The following CARNMT1 variants were observed in gnomAD, a reference collection of about 807,000 sequenced individuals.
CARNMT1 encodes the protein protein-L-histidine N-pros-methyltransferase CARNMT1.
In CARNMT1, 28 loss-of-function variants were observed where a neutral mutation model predicts 49.6. The ratio of observed to expected loss-of-function variants is 0.56; its 90% CI spans 0.42 to 0.77. CARNMT1 has a LOEUF of 0.77. CARNMT1 is among the 30% of genes least tolerant of loss of function. The probability of loss-of-function intolerance (pLI) is 0.00; values close to 1 mark genes in which losing one functional copy is unlikely to be tolerated. For missense variants in CARNMT1, 421 were observed against 512.6 expected, an observed-to-expected ratio of 0.82 and a Z score of 1.73; for synonymous variants, 178 against 175.0, an observed-to-expected ratio of 1.02 and a Z score of -0.13.
chr9:74,999,277 A>C (rs995249170), intron 4 of CARNMT1, among the ~76,000 whole-genome samples: 3 of 152,190 alleles, frequency 2.0e-5, no homozygotes, highest in Non-Finnish European at 4.4e-5. Context: ...AAGAGGCCAC[A>C]GAAGTTCTGA....
intron 6 of CARNMT1, among the ~76,000 whole-genome samples, chr9:74,993,724 G>A (rs550364124): frequency 6.7e-6 from 1 of 150,008 alleles, no homozygotes; most frequent in Non-Finnish European, 1.5e-5. Context: ...TGGAGTCTTA[G>A]AGGCCAGGAA....
At position 75,028,075 on chromosome 9, in the gene CARNMT1, T is replaced by C; in HGVS notation, c.167A>G (p.Glu56Gly). 1 of 1,573,542 alleles carries C rather than the reference T, an allele frequency of 6.4e-7. No homozygotes were observed. Among genetic ancestry groups the C allele is most frequent in the Non-Finnish European group, 8.6e-7 (1 of 1,162,204 alleles). Residue 56 changes from glutamate (E) to glycine (G), a missense_variant, in exon 1 of 8, where the codon GAG (glutamate) becomes GGG (glycine). Glu to Gly is a moderately conservative substitution (Grantham distance 98). This residue lies in a region of CARNMT1 where 186 missense variants were observed against 167.9 expected (regional missense o/e 1.11). Transcript: ENST00000376834. ...AAAAATRSTEEEEERLEREHF... is the reference protein window; with the variant it reads ...AAAAATRSTEGEEERLEREHF... The stretch of plus-strand genomic sequence containing the variant: ...CTCACGCTCAAGCCTCTCCTCCTCC[T>C]CCTCGGTGCTGCGCGTGGCCGCCGC...
At chr9:74,992,474 A>T (rs1180797133) in intron 6 of CARNMT1, among the ~76,000 whole-genome samples, 2 of 152,088 alleles carry the variant, frequency 1.3e-5, no homozygotes, top group East Asian at 3.9e-4. Flanking sequence ...CTGACTCCCA[A>T]ATTTATCAGT....
intron 5 of CARNMT1, 143 bp from the exon 6 acceptor site, chr9:74,996,703 T>C: frequency 3.6e-6 from 2 of 552,900 alleles, no homozygotes; most frequent in Admixed American, 7.3e-5. Flanking sequence ...ATCAACATTA[T>C]AATTACAGTA....
rs542872602 is a variant in CARNMT1, at chr9:75,006,771, T to C, written c.591-6901A>G. Among the ~76,000 whole-genome samples the C allele has an allele frequency of 1.2e-4, 18 of 152,346 alleles. No individual in the cohort carries two copies. The East Asian group carries it at 3.1e-3, about 26-fold the overall frequency. ...TTTTAAATTATTTTTATTTAAAAAA[T>C]AACCTATTAGTACCATTTAGAGTTA... On this transcript the variant is annotated intron_variant, in intron 3 of 7. Coordinates refer to ENST00000376834, the MANE Select transcript of CARNMT1 (RefSeq NM_152420.3).
intron 3 of CARNMT1, among the ~76,000 whole-genome samples, chr9:75,002,437 T>C (rs745904262): frequency 1.5e-4 from 23 of 152,226 alleles, no homozygotes; most frequent in Non-Finnish European, 2.2e-4. Context: ...TAACTACATG[T>C]GGCTACTGAA....
chr9:75,028,301 C>T (rs909430768), upstream of CARNMT1: 40 of 1,333,282 alleles, frequency 3.0e-5, no homozygotes, highest in African/African-American at 4.9e-4. Flanking sequence ...AGCGTGGTGG[C>T]GGCTGCTTGG....
chr9:75,014,350 G>A (rs1833784909), intron 3 of CARNMT1, among the ~76,000 whole-genome samples: 1 of 152,234 alleles, frequency 6.6e-6, no homozygotes, highest in Admixed American at 6.5e-5. Context: ...TGTTGGAAGT[G>A]AGGTAAACAG....
In CARNMT1 at chr9:75,028,008, T is replaced by C; in HGVS notation, c.230+4A>G. 2 of 1,564,378 alleles carry C rather than the reference T, an allele frequency of 1.3e-6. No individual in the cohort carries two copies. The highest frequency in any genetic ancestry group is 1.7e-6 in the Non-Finnish European group (2 of 1,158,582). On this transcript the variant is annotated splice_donor_region_variant and intron_variant, in intron 1 of 7. Transcript: ENST00000376834. ...TGGGCCGGGGTCCGCCACGGGCTCC[T>C]TACCCGTAGTAGCGGAAGGCATTAA...
In CARNMT1 at chr9:75,028,274, G is replaced by C; in HGVS notation, c.-33C>G. On this transcript the variant is annotated 5_prime_UTR_variant, in exon 1 of 8. Transcript: ENST00000376834. The stretch of plus-strand genomic sequence containing the variant: ...GCGGCCCTCGGCCTGGCTCGCTTGC[G>C]TCTCTCCGCGACCGACAGCGTGGTG... 6 of 1,351,718 alleles carry C rather than the reference G, an allele frequency of 4.4e-6. No homozygotes were observed. Among genetic ancestry groups the C allele is most frequent in the Non-Finnish European group, 5.7e-6 (6 of 1,056,740 alleles). 83.7% of individuals were successfully genotyped at this position (1,351,718 alleles called of 1,614,324 possible).
chr9:74,985,119 A>C, intron 6 of CARNMT1, 109 bp from the exon 7 acceptor site: 1 of 813,054 alleles, frequency 1.2e-6, no homozygotes. Context: ...ACAAACATAA[A>C]AAGTCTGGGC....
chr9:74,984,991 A>C lies in CARNMT1; in HGVS notation c.1044T>G (p.Phe348Leu). The change falls in exon 7 of 8, where the codon TTT becomes TTG. Residue 348 changes from phenylalanine to leucine, a missense_variant. Transcript: ENST00000376834. ...WINLGPLLYH[F>L]ENLANELSIE... ...TGGAAAGTTCATTTGCCAGATTTTCAAAGTGGTACAGCAGAGGACCTATGG... is the reference window on the plus strand; with the variant it reads ...TGGAAAGTTCATTTGCCAGATTTTCCAAGTGGTACAGCAGAGGACCTATGG... 6.2e-7 allele frequency: 1 copy of C among 1,613,474 alleles called. No homozygotes were observed.
At chr9:74,987,729 G>A (rs1438385273) in intron 6 of CARNMT1, among the ~76,000 whole-genome samples, 9 of 151,808 alleles carry the variant, frequency 5.9e-5, no homozygotes, top group Admixed American at 5.3e-4. Flanking sequence ...TTTTCAAAAT[G>A]CATCAAACTG....
Position 75,009,394 on chromosome 9 carries a change from C to T in CARNMT1, c.590+6874G>A, listed in dbSNP as rs574507745. Among the ~76,000 whole-genome samples the T allele has an allele frequency of 4.6e-5, 7 of 152,042 alleles. No homozygotes were observed. The East Asian group carries it at 1.4e-3, about 29-fold the overall frequency. ...TACTGGTGTTTGCCACCATGCCCAA[C>T]CCAAGTATTTTTTTTTTCTTTTCGG... On this transcript the variant is annotated intron_variant, in intron 3 of 7. Transcript: ENST00000376834.
intron 3 of CARNMT1, chr9:75,015,606 T>C (rs1216675507): frequency 2.0e-5 from 3 of 151,800 alleles, no homozygotes; most frequent in Non-Finnish European, 2.9e-5. Flanking sequence ...GCCAACATGG[T>C]GAGCCCATGT....
At chr9:75,020,469 T>C (rs1007738591) in intron 1 of CARNMT1, among the ~76,000 whole-genome samples, 3 of 152,068 alleles carry the variant, frequency 2.0e-5, no homozygotes, top group Non-Finnish European at 2.9e-5. Context: ...GGTTTCACCA[T>C]ACTGTCCAGG....
intron 6 of CARNMT1, 56 bp downstream of exon 6, chr9:74,996,391 C>T: frequency 3.6e-6 from 3 of 824,900 alleles, no homozygotes; most frequent in Non-Finnish European, 6.0e-6. Context: ...AAATGTAATA[C>T]AGCTGTAAGT....
At chr9:74,994,896 C>T (rs1246369109) in intron 6 of CARNMT1, among the ~76,000 whole-genome samples, 3 of 152,226 alleles carry the variant, frequency 2.0e-5, no homozygotes, top group Non-Finnish European at 4.4e-5. Flanking sequence ...TTCCTGTTAA[C>T]CAACATGCTC....
Position 74,983,530 on chromosome 9 carries a change from C to T in CARNMT1, c.*237G>A. 3.1e-6 allele frequency: 1 copy of T among 326,722 alleles called. No homozygotes were observed. Among genetic ancestry groups the T allele is most frequent in the Non-Finnish European group, 5.6e-6 (1 of 179,330 alleles). The allele number at this position is 326,722 out of a possible 1,614,324, so 20.2% of individuals were successfully genotyped here. ...TTCTGGGCTTCAAGGAAAAAGTATA[C>T]TTCAAGACATTTCCTCCATTTTTAC... On this transcript the variant is annotated 3_prime_UTR_variant, in exon 8 of 8. Transcript: ENST00000376834.
Sources: gnomAD v4.1 joint callset for allele counts (sites outside exome capture counted in the v4.1 genomes callset) on GRCh38, gnomAD v4.1.1 for gene constraint, gnomAD v4.1.1 regional missense constraint, MANE v1.5 for transcripts, NCBI Gene and HGNC (gene_info 2026-07-23, HGNC 2026-07-21) for gene names.